Variants in EIF4G3 observed in about 807,000 individuals in gnomAD.
EIF4G3 encodes the protein eIF-4-gamma 3.
In EIF4G3, 34 loss-of-function variants were observed where a neutral mutation model predicts 186.4. That is an observed-to-expected ratio of 0.18 (90% confidence interval 0.14 to 0.24). The LOEUF is 0.24. Among genes scored for constraint, EIF4G3 ranks in the 10% least tolerant of loss-of-function variants. The pLI is 1.00. For missense variants in EIF4G3, 1,536 were observed against 1,948.5 expected, an observed-to-expected ratio of 0.79 and a Z score of 3.99; for synonymous variants, 673 against 679.5, an observed-to-expected ratio of 0.99 and a Z score of 0.15.
At chr1:21,076,890 T>C (rs1361586867) in intron 3 of EIF4G3, among the ~76,000 whole-genome samples, 1 of 152,112 alleles carries the variant, frequency 6.6e-6, no homozygotes, top group East Asian at 1.9e-4. Context: ...GAAAAAAGAT[T>C]TTTCTTTTGG....
intron 2 of EIF4G3, among the ~76,000 whole-genome samples, chr1:21,169,296 C>T (rs2097914365): frequency 6.6e-6 from 1 of 151,968 alleles, no homozygotes; most frequent in South Asian, 2.1e-4. Context: ...ACCCAAAATA[C>T]AAAAATTAGC....
chr1:20,814,740 A>G (rs1452647298), intron 34 of EIF4G3, among the ~76,000 whole-genome samples: 1 of 96,710 alleles, frequency 1.0e-5, no homozygotes, highest in Non-Finnish European at 2.2e-5. Context: ...ATTAAGGTTA[A>G]AAATTCATCT....
chr1:21,051,157 C>A (rs578233027), intron 3 of EIF4G3, among the ~76,000 whole-genome samples, 163 bp from the exon 4 acceptor site: 128 of 151,966 alleles, frequency 8.4e-4, no homozygotes, highest in African/African-American at 3.0e-3. Flanking sequence ...TTGAAAAAAA[C>A]AGAATTCTTT....
chr1:20,856,302 C>T (rs1054842083), intron 25 of EIF4G3, among the ~76,000 whole-genome samples: 1 of 152,160 alleles, frequency 6.6e-6, no homozygotes, highest in African/African-American at 2.4e-5. Context: ...TTTCTTAATA[C>T]TTCTTGTCAG....
At chr1:21,102,490 C>T (rs1025939678) in intron 2 of EIF4G3, among the ~76,000 whole-genome samples, 10 of 152,122 alleles carry the variant, frequency 6.6e-5, no homozygotes, top group Admixed American at 3.3e-4. Context: ...TCATCCATGA[C>T]GCACTTATGG....
chr1:21,137,835 T>C (rs2097273297), intron 2 of EIF4G3, among the ~76,000 whole-genome samples: 6 of 145,150 alleles, frequency 4.1e-5, no homozygotes. Context: ...AAAAAAAAGA[T>C]TGTTAAATGT....
At chr1:21,096,707 A>C (rs1421441111) in intron 2 of EIF4G3, among the ~76,000 whole-genome samples, 4 of 152,246 alleles carry the variant, frequency 2.6e-5, no homozygotes, top group Non-Finnish European at 5.9e-5. Flanking sequence ...GGCAGACTTT[A>C]AAAAGCTATC....
intron 2 of EIF4G3, among the ~76,000 whole-genome samples, chr1:21,155,215 A>G (rs2097628449): frequency 7.3e-6 from 1 of 136,856 alleles, no homozygotes; most frequent in Non-Finnish European, 1.5e-5. Context: ...GTGAGCCAAG[A>G]TCGTGCCACT....
intron 2 of EIF4G3, among the ~76,000 whole-genome samples, chr1:21,095,117 G>A (rs769201236): frequency 4.6e-5 from 7 of 152,030 alleles, no homozygotes; most frequent in Non-Finnish European, 1.0e-4. Context: ...TACTTAACAC[G>A]CCTAGCAGAA....
intron 30 of EIF4G3, 39 bp from the exon 31 acceptor site, chr1:20,829,311 A>G: frequency 6.2e-7 from 1 of 1,601,030 alleles, no homozygotes; most frequent in Non-Finnish European, 8.5e-7. Context: ...ATGCAAATGT[A>G]ATTCAAAAGT....
chr1:20,943,538 C>T (rs540574481), intron 13 of EIF4G3, among the ~76,000 whole-genome samples: 1 of 152,280 alleles, frequency 6.6e-6, no homozygotes, highest in East Asian at 1.9e-4. Flanking sequence ...CTTGTGCTTC[C>T]TTAGCACAAT....
intron 32 of EIF4G3, among the ~76,000 whole-genome samples, chr1:20,826,380 T>TG (rs2063635481): frequency 6.6e-6 from 1 of 151,254 alleles, no homozygotes; most frequent in Admixed American, 6.6e-5. Context: ...TTGGCCAGAC[T>TG]GGTCTCCAAC....
chr1:21,034,008 A>G (rs916286368), intron 4 of EIF4G3, among the ~76,000 whole-genome samples: 1 of 152,150 alleles, frequency 6.6e-6, no homozygotes, highest in African/African-American at 2.4e-5. Context: ...GGTGGCTGAG[A>G]TGGGAGGATC....
intron 12 of EIF4G3, among the ~76,000 whole-genome samples, chr1:20,959,189 G>A (rs1472173193): frequency 6.6e-5 from 10 of 152,022 alleles, no homozygotes. Context: ...ATAAAAGTAG[G>A]CAAATAACTA....
intron 36 of EIF4G3, among the ~76,000 whole-genome samples, chr1:20,808,898 G>A (rs1026928718): frequency 1.3e-5 from 2 of 151,906 alleles, no homozygotes; most frequent in East Asian, 1.9e-4. Context: ...TCAGCTCTCC[G>A]ATCATTTATA....
intron 14 of EIF4G3, among the ~76,000 whole-genome samples, chr1:20,927,830 C>G (rs191843872): frequency 6.6e-6 from 1 of 152,238 alleles, no homozygotes; most frequent in African/African-American, 2.4e-5. Flanking sequence ...TGACATCGAG[C>G]AATGCCTCTA....
intron 29 of EIF4G3, among the ~76,000 whole-genome samples, chr1:20,844,097 A>C (rs1034455679): frequency 6.6e-6 from 1 of 152,180 alleles, no homozygotes; most frequent in African/African-American, 2.4e-5. Flanking sequence ...TGCTATTGTG[A>C]ATAGTGCTAC....
chr1:20,833,112 A>G (rs2065784412), intron 30 of EIF4G3, among the ~76,000 whole-genome samples: 2 of 120,350 alleles, frequency 1.7e-5, no homozygotes, highest in Non-Finnish European at 3.4e-5. Context: ...TTGGTTCCAT[A>G]TGAACTTTAA....
chr1:20,965,073 T>A (rs142511413), intron 12 of EIF4G3, among the ~76,000 whole-genome samples: 1 of 152,300 alleles, frequency 6.6e-6, no homozygotes, highest in African/African-American at 2.4e-5. Flanking sequence ...GTTTCATGCA[T>A]TTTGGTTTCA....
Sources: allele counts gnomAD v4.1 joint callset (sites outside exome capture counted in the v4.1 genomes callset), GRCh38; gene constraint gnomAD v4.1.1; transcripts MANE v1.5; gene names NCBI Gene and HGNC (gene_info 2026-07-23, HGNC 2026-07-21).